PTPRG: variants seen among roughly 807,000 people sequenced by gnomAD.
The protein encoded by PTPRG is protein tyrosine phosphatase receptor type G, also known as receptor-type tyrosine-protein phosphatase gamma.
Under a neutral mutation model 165.3 loss-of-function variants are expected in PTPRG, and 102 were observed. The observed-to-expected ratio is 0.62, with a 90% CI of 0.53 to 0.73. The LOEUF (loss-of-function observed/expected upper bound fraction) is 0.73. PTPRG is among the 30% of genes least tolerant of loss of function. PTPRG has a pLI of 0.00. For synonymous variants in PTPRG, 675 were observed against 669.5 expected (o/e 1.01, Z -0.13); for missense variants, 1,866 against 1,861.4 (o/e 1.00, Z -0.05).
chr3:62,242,280 T>G (rs991163269), intron 14 of PTPRG, among the ~76,000 whole-genome samples: 2 of 152,206 alleles, frequency 1.3e-5, no homozygotes, highest in Non-Finnish European at 2.9e-5. Flanking sequence ...GATGAAAACT[T>G]GTTTTATTAT....
rs1331176170 is a variant in PTPRG, at chr3:61,740,139, A to C, written c.86-8739A>C. On this transcript the variant is annotated intron_variant, in intron 1 of 29. Transcript: ENST00000474889. ...AGATATAAAGAGATGCCACAATTGT[A>C]AAATGGAAAGTACAGGTCTGTGGCC... Among the ~76,000 whole-genome samples, 4 of 152,238 alleles carry C rather than the reference A, an allele frequency of 2.6e-5. No homozygotes were observed. The East Asian group carries it at 7.7e-4, about 29-fold the overall frequency.
At chr3:62,272,801 C>T (rs1702109154) in intron 21 of PTPRG, 145 bp from the exon 22 acceptor site, 2 of 901,146 alleles carry the variant, frequency 2.2e-6, no homozygotes, top group African/African-American at 1.7e-5. Flanking sequence ...TGCGCCACTG[C>T]ACTCCAGCCT....
chr3:61,993,371 CCA>C (rs1017640870), intron 3 of PTPRG, among the ~76,000 whole-genome samples: 11 of 152,034 alleles, frequency 7.2e-5, no homozygotes, highest in East Asian at 1.9e-4. Context: ...GCATGCGCCA[CCA>C]CACCCGGCTA....
rs760141727 is a variant in PTPRG, at chr3:62,222,456, A to T, written c.2288+3473A>T. 8.5e-5 allele frequency among the ~76,000 whole-genome samples: 13 copies of T among 152,212 alleles called. No individual in the cohort carries two copies. The highest frequency in any genetic ancestry group is 1.3e-4 in the Non-Finnish European group (9 of 68,040). On this transcript the variant is annotated intron_variant, in intron 13 of 29. Coordinates refer to ENST00000474889, the MANE Select transcript of PTPRG (RefSeq NM_002841.4). This position sits in a 1 kb window ranked among gnomAD's most constrained non-coding sequence, Gnocchi z 4.5. The stretch of plus-strand genomic sequence containing the variant: ...GTGCAAAGGGAATCTTTCTTCTCTA[A>T]TAGTTCCACTTAAGTCCCAACATGG...
At chr3:61,598,898 G>A (rs1038386773) in intron 1 of PTPRG, among the ~76,000 whole-genome samples, 1 of 152,084 alleles carries the variant, frequency 6.6e-6, no homozygotes, top group Non-Finnish European at 1.5e-5. Context: ...CTCCCTGGCT[G>A]TGTGTGTCTG....
intron 2 of PTPRG, among the ~76,000 whole-genome samples, chr3:61,945,393 C>T (rs34906382): frequency 2.5e-4 from 38 of 151,870 alleles, no homozygotes; most frequent in African/African-American, 8.5e-4. Context: ...AACCCTTTCT[C>T]TACTGAAAAT....
At chr3:61,837,691 C>G (rs1376308055) in intron 2 of PTPRG, among the ~76,000 whole-genome samples, 1 of 152,174 alleles carries the variant, frequency 6.6e-6, no homozygotes, top group African/African-American at 2.4e-5. Flanking sequence ...AGGGTGCTTT[C>G]ACTGATCAAT....
chr3:61,734,238 T>C (rs193102205), intron 1 of PTPRG, among the ~76,000 whole-genome samples: 25 of 152,358 alleles, frequency 1.6e-4, no homozygotes, highest in Non-Finnish European at 3.5e-4. Flanking sequence ...AGATATCATG[T>C]ATGATTTCTG....
intron 2 of PTPRG, among the ~76,000 whole-genome samples, chr3:61,926,545 C>T (rs72884108): frequency 0.34 from 49,413 of 145,092 alleles, 9,504 homozygotes; most frequent in African/African-American, 0.51. Context: ...CTCTTTTCTT[C>T]ATAAATTACT....
At chr3:61,903,572 C>G (rs947871241) in intron 2 of PTPRG, among the ~76,000 whole-genome samples, 3 of 152,212 alleles carry the variant, frequency 2.0e-5, no homozygotes, top group African/African-American at 7.2e-5. Context: ...CAGGGTTTCC[C>G]CATGTTGGCC....
At chr3:62,153,614 T>C (rs1673002984) in intron 6 of PTPRG, among the ~76,000 whole-genome samples, 1 of 152,032 alleles carries the variant, frequency 6.6e-6, no homozygotes, top group Admixed American at 6.6e-5. Context: ...TGACAGAACA[T>C]TGGTAGCTTA....
rs1224424755 is a variant in PTPRG, at chr3:61,664,878, AAGATATT to A, written c.86-83999_86-83993del. 2.6e-5 allele frequency among the ~76,000 whole-genome samples: 4 copies of A among 152,170 alleles called. 1 individual carries two copies. Among genetic ancestry groups the A allele is most frequent in the Admixed American group, 2.6e-4 (4 of 15,284 alleles). ...TAAAAAAAATAAAAAAGCATTTAGGAAGATATTGAGTAGTAGGAAGTTTTTGTCTGAA... is the reference window on the plus strand; with the variant it reads ...TAAAAAAAATAAAAAAGCATTTAGGAGAGTAGTAGGAAGTTTTTGTCTGAA... On this transcript the variant is annotated intron_variant, in intron 1 of 29. Coordinates refer to ENST00000474889, the MANE Select transcript of PTPRG (RefSeq NM_002841.4).
intron 1 of PTPRG, among the ~76,000 whole-genome samples, chr3:61,675,328 A>G (rs1347943182): frequency 2.6e-5 from 4 of 152,216 alleles, no homozygotes; most frequent in Non-Finnish European, 5.9e-5. Context: ...AAGATTTAGC[A>G]GTAAATTTGG....
intron 2 of PTPRG, among the ~76,000 whole-genome samples, chr3:61,823,363 G>A (rs1329497217): frequency 6.6e-6 from 1 of 152,110 alleles, no homozygotes; most frequent in African/African-American, 2.4e-5. Context: ...GCTAATTTTT[G>A]TATTTTTAGT....
At chr3:61,662,878 T>C (rs955427761) in intron 1 of PTPRG, among the ~76,000 whole-genome samples, 14 of 152,232 alleles carry the variant, frequency 9.2e-5, no homozygotes, top group African/African-American at 3.4e-4. Flanking sequence ...TCTGCGGAAA[T>C]GCAGGTGAGC....
chr3:61,635,154 C>G (rs1701873941), intron 1 of PTPRG, among the ~76,000 whole-genome samples: 1 of 152,024 alleles, frequency 6.6e-6, no homozygotes, highest in South Asian at 2.1e-4. Context: ...AGCCATATTA[C>G]AGGCATGATT....
chr3:61,569,489 T>C (rs1021760328), intron 1 of PTPRG, among the ~76,000 whole-genome samples: 8 of 152,174 alleles, frequency 5.3e-5, no homozygotes, highest in African/African-American at 1.9e-4. Context: ...GTTTTATATG[T>C]TTATTTTTAT....
intron 4 of PTPRG, among the ~76,000 whole-genome samples, chr3:62,038,961 G>A (rs1453504029): frequency 6.6e-6 from 1 of 152,114 alleles, no homozygotes; most frequent in East Asian, 1.9e-4. Flanking sequence ...TTGAGACAGA[G>A]TGTTGCTCTG....
intron 1 of PTPRG, among the ~76,000 whole-genome samples, chr3:61,708,531 G>C (rs1575602029): frequency 1.4e-5 from 2 of 146,404 alleles, no homozygotes; most frequent in African/African-American, 5.1e-5. Context: ...GCGCAATCTG[G>C]GCAAGCTGTG....
Sources: allele counts gnomAD v4.1 joint callset (sites outside exome capture counted in the v4.1 genomes callset), GRCh38; gene constraint gnomAD v4.1.1; non-coding constraint Gnocchi (gnomAD v3.1); transcripts MANE v1.5; gene names NCBI Gene and HGNC (gene_info 2026-07-23, HGNC 2026-07-21).